The following PATJ variants were observed in gnomAD, a reference collection of about 807,000 sequenced individuals.
The protein encoded by PATJ is inaD-like protein.
A neutral mutation model predicts 224.9 loss-of-function variants in PATJ; 190 were observed. That is an observed-to-expected ratio of 0.84 (90% CI 0.75 to 0.95). PATJ has a LOEUF of 0.95. Among genes scored for constraint, PATJ ranks in the 40% least tolerant of loss-of-function variants. The pLI is 0.00. For synonymous variants in PATJ, 769 were observed against 820.3 expected, an observed-to-expected ratio of 0.94 and a Z score of 1.07; for missense variants, 2,121 against 2,270.3, an observed-to-expected ratio of 0.93 and a Z score of 1.34.
chr1:62,112,430 C>T (rs897725022), intron 34 of PATJ, among the ~76,000 whole-genome samples: 4 of 152,234 alleles, frequency 2.6e-5, no homozygotes, highest in East Asian at 1.9e-4. Context: ...TGCTTGAAAC[C>T]GGAAAGCGGA....
At chr1:62,006,097 C>CT (rs935990921) in intron 28 of PATJ, among the ~76,000 whole-genome samples, 1 of 150,350 alleles carries the variant, frequency 6.7e-6, no homozygotes, top group African/African-American at 2.4e-5. Context: ...CATTTCTTTT[C>CT]TTTTTTTGTT....
intron 31 of PATJ, among the ~76,000 whole-genome samples, chr1:62,055,953 G>A (rs1299256855): frequency 6.6e-6 from 1 of 152,168 alleles, no homozygotes; most frequent in East Asian, 1.9e-4. Context: ...GCTGATAAAA[G>A]CTCTGCAGTC....
chr1:61,773,005 G>T (rs1008842545), intron 6 of PATJ, among the ~76,000 whole-genome samples: 2 of 152,102 alleles, frequency 1.3e-5, no homozygotes, highest in Admixed American at 6.6e-5. Context: ...TTCTAGACAT[G>T]AATTTATTAA....
chr1:61,779,405 A>C lies in PATJ; in HGVS notation c.849+4071A>C, dbSNP rs567822450. ...CAGAATTTCTTCTCTAGGAAAGCTC[A>C]GTTTTTGCTTGTGAATTCTTCAACT... On this transcript the variant is annotated intron_variant, in intron 7 of 43. Coordinates refer to ENST00000642238, the MANE Select transcript of PATJ (RefSeq NM_001350145.3). Among the ~76,000 whole-genome samples the C allele has an allele frequency of 2.0e-4, 31 of 152,350 alleles. 1 individual carries two copies. Among genetic ancestry groups the C allele is most frequent in the African/African-American group, 6.7e-4 (28 of 41,578 alleles).
intron 28 of PATJ, among the ~76,000 whole-genome samples, chr1:62,015,993 G>A (rs538705068): frequency 2.0e-5 from 3 of 152,278 alleles, no homozygotes; most frequent in Middle Eastern, 6.8e-3. Context: ...GTTTCACCAT[G>A]TTGGCCAGGC....
At chr1:62,047,567 A>G (rs11579010) in intron 30 of PATJ, among the ~76,000 whole-genome samples, 27,914 of 152,124 alleles carry the variant, frequency 0.18, 3,109 homozygotes, top group Non-Finnish European at 0.26. Flanking sequence ...GACTATTTCA[A>G]AGCTCCACTT....
chr1:61,902,986 T>C (rs1671398822), intron 24 of PATJ, among the ~76,000 whole-genome samples: 1 of 152,068 alleles, frequency 6.6e-6, no homozygotes, highest in Non-Finnish European at 1.5e-5. Flanking sequence ...GGAGCAGCAG[T>C]GAGTCCAGCA....
intron 7 of PATJ, among the ~76,000 whole-genome samples, chr1:61,785,318 A>G (rs1438286726): frequency 6.6e-6 from 1 of 152,228 alleles, no homozygotes; most frequent in Non-Finnish European, 1.5e-5. Context: ...TAGGAAAGCA[A>G]TAAATTTACT....
At chr1:61,814,130 C>CTTTTTTTTTTTTTTTTTTTTTTTTTTTT (rs762502160) in intron 14 of PATJ, among the ~76,000 whole-genome samples, 1 of 85,900 alleles carries the variant, frequency 1.2e-5, no homozygotes, top group Non-Finnish European at 2.1e-5. Flanking sequence ...TTATTCTCTT[C>CTTTTTTTTTTTTTTTTTTTTTTTTTTTT]TTTTTTTTTT....
At chr1:61,802,668 A>T (rs572764379) in intron 12 of PATJ, among the ~76,000 whole-genome samples, 1 of 152,274 alleles carries the variant, frequency 6.6e-6, no homozygotes, top group South Asian at 2.1e-4. Context: ...GTTTTTTATT[A>T]TAAAAATTAA....
chr1:61,812,290 G>T (rs1654932607), intron 14 of PATJ, among the ~76,000 whole-genome samples: 2 of 151,882 alleles, frequency 1.3e-5, no homozygotes, highest in Admixed American at 1.3e-4. Flanking sequence ...GATGATATCA[G>T]TTATCTCTGT....
chr1:61,948,777 T>C (rs557817417), intron 27 of PATJ, among the ~76,000 whole-genome samples: 57 of 152,196 alleles, frequency 3.7e-4, no homozygotes, highest in African/African-American at 1.3e-3. Context: ...ATGTTTATTG[T>C]GGCACTATCC....
intron 33 of PATJ, among the ~76,000 whole-genome samples, chr1:62,107,316 A>G (rs970619019): frequency 2.0e-5 from 3 of 151,220 alleles, no homozygotes; most frequent in African/African-American, 7.3e-5. Context: ...AAAAAAAAAA[A>G]AAGGAGAAGC....
At chr1:62,013,632 G>T (rs113629362) in intron 28 of PATJ, 1 of 372,246 alleles carries the variant, frequency 2.7e-6, no homozygotes, top group Non-Finnish European at 3.7e-6. Context: ...TTTAAACCTA[G>T]TGCCACAAGA....
rs1672103104 is a variant in PATJ at position 61,908,115 on chromosome 1, G to A, written c.3382-257G>A. ...GTTACTGACTGAGCTACCTGTTTTG[G>A]ATAATTATATTTAACCAGGGATGTT... On this transcript the variant is annotated intron_variant, in intron 24 of 43. Coordinates refer to ENST00000642238, the MANE Select transcript of PATJ (RefSeq NM_001350145.3). 5.3e-5 allele frequency among the ~76,000 whole-genome samples: 8 copies of A among 152,082 alleles called. No homozygotes were observed. In the South Asian group the frequency reaches 1.7e-3, roughly 32 times the overall value.
chr1:61,881,679 T>C (rs1668122698), intron 21 of PATJ, among the ~76,000 whole-genome samples: 1 of 152,140 alleles, frequency 6.6e-6, no homozygotes, highest in African/African-American at 2.4e-5. Context: ...TCCAAAGTGC[T>C]GGGATTACAG....
At chr1:61,820,734 C>T (rs1330610581) in intron 14 of PATJ, among the ~76,000 whole-genome samples, 1 of 152,202 alleles carries the variant, frequency 6.6e-6, no homozygotes, top group Non-Finnish European at 1.5e-5. Flanking sequence ...TAGCAGTCTG[C>T]TCTCAAGCCA....
intron 27 of PATJ, among the ~76,000 whole-genome samples, chr1:61,935,466 G>A (rs930725668): frequency 6.6e-6 from 1 of 152,154 alleles, no homozygotes; most frequent in Non-Finnish European, 1.5e-5. Flanking sequence ...TTGGTATAAA[G>A]AGTATATTTG....
At chr1:62,050,837 A>G (rs1048188629) in intron 30 of PATJ, 129 bp from the exon 31 acceptor site, 4 of 691,804 alleles carry the variant, frequency 5.8e-6, no homozygotes, top group Non-Finnish European at 9.9e-6. Flanking sequence ...GAAACAGAAA[A>G]TACTTCCTCA....
Sources: gnomAD v4.1 joint callset for allele counts (sites outside exome capture counted in the v4.1 genomes callset) on GRCh38, gnomAD v4.1.1 for gene constraint, MANE v1.5 for transcripts, NCBI Gene and HGNC (gene_info 2026-07-23, HGNC 2026-07-21) for gene names.